Variants in TYR observed in about 807,000 individuals in gnomAD.
TYR encodes LB24-AB.
A neutral mutation model predicts 51.5 loss-of-function variants in TYR; 58 were observed. That is an observed-to-expected ratio of 1.13 (90% CI 0.91 to 1.40). TYR has a LOEUF of 1.40. Among genes scored for constraint, TYR ranks in the 40% most tolerant of loss-of-function variants. The pLI is 0.00. For missense variants in TYR, 732 were observed against 647.4 expected, an observed-to-expected ratio of 1.13 and a Z score of -1.42; for synonymous variants, 263 against 235.2, an observed-to-expected ratio of 1.12 and a Z score of -1.08.
chr11:89,236,556 A>T (rs1221575719), intron 3 of TYR, among the ~76,000 whole-genome samples: 1 of 152,220 alleles, frequency 6.6e-6, no homozygotes, highest in Admixed American at 6.5e-5. Context: ...GATTCTGATG[A>T]TTCAATTATC....
At chr11:89,268,986 A>G (rs1197867909) in intron 3 of TYR, among the ~76,000 whole-genome samples, 4 of 151,954 alleles carry the variant, frequency 2.6e-5, no homozygotes, top group Non-Finnish European at 5.9e-5. Context: ...GTAATCCCAT[A>G]GGCTTTATAC....
At chr11:89,224,430 T>G (rs992171605) in intron 2 of TYR, among the ~76,000 whole-genome samples, 2 of 152,180 alleles carry the variant, frequency 1.3e-5, no homozygotes, top group African/African-American at 2.4e-5. Flanking sequence ...ACACAGAATT[T>G]AAGCCAAGTT....
Position 89,295,187 on chromosome 11 carries a change from G to C in TYR, c.1411G>C (p.Ala471Pro), listed in dbSNP as rs1422758872. Residue 471 changes from alanine to proline, a missense_variant, in exon 5 of 5, where the codon GCG becomes CCG. Coordinates refer to ENST00000263321, the MANE Select transcript of TYR (RefSeq NM_000372.5). ...CTACATTAAGTCCTATTTGGAACAA[G>C]CGAGTCGGATCTGGTCATGGCTCCT... is the stretch of plus-strand genomic sequence containing the variant. ...QDYIKSYLEQASRIWSWLLGA... is the reference protein window; with the variant it reads ...QDYIKSYLEQPSRIWSWLLGA... 2 of 1,614,016 alleles carry C rather than the reference G, an allele frequency of 1.2e-6. No homozygotes were observed. The highest frequency in any genetic ancestry group is 1.7e-5 in the Admixed American group (1 of 60,024).
intron 3 of TYR, among the ~76,000 whole-genome samples, chr11:89,247,379 G>A (rs1178594080): frequency 1.3e-5 from 2 of 152,212 alleles, no homozygotes; most frequent in East Asian, 3.9e-4. Context: ...TGGGTTATCA[G>A]TAGCATTTTG....
intron 2 of TYR, among the ~76,000 whole-genome samples, chr11:89,217,600 AGGGAAAG>A (rs1943849256): frequency 6.6e-6 from 1 of 152,174 alleles, no homozygotes; most frequent in Non-Finnish European, 1.5e-5. Flanking sequence ...CCAGGAGTTA[AGGGAAAG>A]TGGTTTTTTG....
At chr11:89,262,964 C>CA (rs894338929) in intron 3 of TYR, among the ~76,000 whole-genome samples, 1 of 148,986 alleles carries the variant, frequency 6.7e-6, no homozygotes, top group African/African-American at 2.5e-5. Context: ...TAAAGTCTTT[C>CA]AAAAAAAGTA....
At chr11:89,247,976 C>T (rs1277369381) in intron 3 of TYR, among the ~76,000 whole-genome samples, 1 of 152,154 alleles carries the variant, frequency 6.6e-6, no homozygotes, top group Non-Finnish European at 1.5e-5. Flanking sequence ...GACTAAGAGG[C>T]AGTAAATCAT....
chr11:89,244,896 A>G (rs1944244466), intron 3 of TYR, among the ~76,000 whole-genome samples: 1 of 152,228 alleles, frequency 6.6e-6, no homozygotes, highest in African/African-American at 2.4e-5. Context: ...TCAACAACTA[A>G]GTAATGTAAA....
At chr11:89,206,443 A>T (rs998882800) in intron 2 of TYR, among the ~76,000 whole-genome samples, 46 of 152,296 alleles carry the variant, frequency 3.0e-4, no homozygotes, top group Admixed American at 2.8e-3. Flanking sequence ...GTAAGAAGAC[A>T]TCACAATCCT....
chr11:89,291,259 A>G (rs1429199592), intron 4 of TYR, among the ~76,000 whole-genome samples: 1 of 151,980 alleles, frequency 6.6e-6, no homozygotes, highest in Non-Finnish European at 1.5e-5. Context: ...ATCAATGATG[A>G]AAGCACACTA....
At chr11:89,260,264 A>C (rs1462589200) in intron 3 of TYR, among the ~76,000 whole-genome samples, 2 of 151,866 alleles carry the variant, frequency 1.3e-5, no homozygotes, top group African/African-American at 2.4e-5. Context: ...AAAAAAAAAA[A>C]ATTAAAAATG....
intron 2 of TYR, among the ~76,000 whole-genome samples, chr11:89,213,739 C>G (rs1359175907): frequency 6.6e-6 from 1 of 152,144 alleles, no homozygotes; most frequent in East Asian, 1.9e-4. Flanking sequence ...GGTACCAAAA[C>G]AGATATATAG....
intron 3 of TYR, among the ~76,000 whole-genome samples, chr11:89,269,436 G>C (rs1421359491): frequency 6.6e-6 from 1 of 151,784 alleles, no homozygotes; most frequent in Non-Finnish European, 1.5e-5. Context: ...TTCATAGCAG[G>C]GTGCCTGATA....
At chr11:89,217,591 C>T (rs1272217996) in intron 2 of TYR, among the ~76,000 whole-genome samples, 1 of 152,160 alleles carries the variant, frequency 6.6e-6, no homozygotes, top group Non-Finnish European at 1.5e-5. Flanking sequence ...ATTGTGCATC[C>T]AGGAGTTAAG....
intron 3 of TYR, among the ~76,000 whole-genome samples, chr11:89,233,736 G>C (rs985496349): frequency 7.0e-6 from 1 of 142,608 alleles, no homozygotes; most frequent in East Asian, 2.0e-4. Context: ...GAATGGAATT[G>C]TTTTTCCAGG....
At chr11:89,294,516 A>T (rs2135332054) in intron 4 of TYR, among the ~76,000 whole-genome samples, 1 of 152,336 alleles carries the variant, frequency 6.6e-6, no homozygotes, top group Non-Finnish European at 1.5e-5. Context: ...CGGACGCTCC[A>T]GGGTACCGCG....
chr11:89,194,485 A>G (rs75288042), intron 2 of TYR, among the ~76,000 whole-genome samples: 2,211 of 151,468 alleles, frequency 0.015, 49 homozygotes, highest in African/African-American at 0.052. Context: ...AACTGTCTAC[A>G]TGGAGACATT....
chr11:89,181,740 GC>G (rs1453931744), intron 1 of TYR, among the ~76,000 whole-genome samples: 2 of 152,104 alleles, frequency 1.3e-5, no homozygotes, highest in Non-Finnish European at 2.9e-5. Flanking sequence ...CTATAGAAAA[GC>G]CTAAAATGGT....
At chr11:89,246,866 C>A (rs1320262258) in intron 3 of TYR, among the ~76,000 whole-genome samples, 1 of 152,116 alleles carries the variant, frequency 6.6e-6, no homozygotes, top group African/African-American at 2.4e-5. Flanking sequence ...CTGGTGACTG[C>A]AAGGCTGAAG....
Sources: gnomAD v4.1 joint callset for allele counts (sites outside exome capture counted in the v4.1 genomes callset) on GRCh38, gnomAD v4.1.1 for gene constraint, MANE v1.5 for transcripts, NCBI Gene and HGNC (gene_info 2026-07-23, HGNC 2026-07-21) for gene names.